Variants in ZMIZ2 observed in about 807,000 individuals in gnomAD.
ZMIZ2 encodes the protein zinc finger MIZ domain-containing protein 2.
Under a neutral mutation model 93.9 loss-of-function variants are expected in ZMIZ2, and 26 were observed. The ratio of observed to expected loss-of-function variants is 0.28; its 90% CI spans 0.20 to 0.38. The LOEUF (loss-of-function observed/expected upper bound fraction) is 0.38. Ranked by LOEUF, ZMIZ2 falls within the 10% of genes least tolerant of loss-of-function variation. ZMIZ2 has a pLI of 1.00. For synonymous variants in ZMIZ2, 485 were observed against 516.4 expected, an observed-to-expected ratio of 0.94 and a Z score of 0.82; for missense variants, 1,023 against 1,235.0, an observed-to-expected ratio of 0.83 and a Z score of 2.57.
intron 14 of ZMIZ2, 43 bp downstream of exon 14, chr7:44,764,529 T>C: frequency 6.2e-7 from 1 of 1,601,326 alleles, no homozygotes; most frequent in Non-Finnish European, 8.5e-7. Flanking sequence ...GGGCTGGTGC[T>C]TTTAGAGGCT....
chr7:44,763,290 C>T lies in ZMIZ2; in HGVS notation c.1737C>T (p.Gly579=). ...ACTTCAGCAGCGGCACCATCCCTGG[C>T]ACCCCTGGGCCCAACGGAGAGGACG... ...KRNFSSGTIP[G]TPGPNGEDGV... is the part of the protein sequence containing the mutation. Residue 579 remains glycine, a synonymous_variant, in exon 13 of 19, where the codon GGC becomes GGT. Coordinates refer to ENST00000309315, the MANE Select transcript of ZMIZ2 (RefSeq NM_031449.4). This position sits in a 1 kb window ranked among gnomAD's most constrained non-coding sequence, Gnocchi z 5.6. 6.2e-7 allele frequency: 1 copy of T among 1,614,088 alleles called. No individual in the cohort carries two copies. Among genetic ancestry groups the T allele is most frequent in the Non-Finnish European group, 8.5e-7 (1 of 1,180,006 alleles).
chr7:44,756,316 C>T lies in ZMIZ2; in HGVS notation c.50+17C>T. ...GCCACACGGGTGAGTGTGGGCTCCT[C>T]TGCCCACCCCTCAGGCCCTGGGGTT... On this transcript the variant is annotated intron_variant, in intron 2 of 18. Coordinates refer to ENST00000309315, the MANE Select transcript of ZMIZ2 (RefSeq NM_031449.4). 6.2e-7 allele frequency: 1 copy of T among 1,613,996 alleles called. No individual in the cohort carries two copies. The highest frequency in any genetic ancestry group is 1.7e-5 in the Admixed American group (1 of 60,024).
rs529251103 is a variant in ZMIZ2 at position 44,766,026 on chromosome 7, C to T, written c.2243-138C>T. The T allele has an allele frequency of 1.7e-5, 25 of 1,435,404 alleles. 1 individual carries two copies. The South Asian group carries it at 2.0e-4, about 12-fold the overall frequency. The allele number at this position is 1,435,404 out of a possible 1,614,324, so 88.9% of individuals were successfully genotyped here. A position where few individuals can be genotyped will look rare whatever the true frequency, so the allele number is the denominator to read the frequency against. ...AGAAGAAATGCCCTTTTCCAAATAG[C>T]GACTTCTGCAAAACCCGCTGTTGTT... is the stretch of plus-strand genomic sequence containing the variant. On this transcript the variant is annotated intron_variant, in intron 16 of 18. Coordinates refer to ENST00000309315, the MANE Select transcript of ZMIZ2 (RefSeq NM_031449.4). This position sits in a 1 kb window ranked among gnomAD's most constrained non-coding sequence, Gnocchi z 4.4.
In ZMIZ2 at chr7:44,766,738, C is replaced by T; in HGVS notation, c.2655+75C>T. The stretch of plus-strand genomic sequence containing the variant: ...GTGGTGTGTCTGTTCCAGGTGCGTT[C>T]TGGAAGGGAAGACAGTGACCCCTCA... On this transcript the variant is annotated intron_variant, in intron 18 of 18. Coordinates refer to ENST00000309315, the MANE Select transcript of ZMIZ2 (RefSeq NM_031449.4). This position sits in a 1 kb window ranked among gnomAD's most constrained non-coding sequence, Gnocchi z 4.4. 2 of 1,577,974 alleles carry T rather than the reference C, an allele frequency of 1.3e-6. No individual in the cohort carries two copies. The highest frequency in any genetic ancestry group is 2.1e-4 in the Middle Eastern group (1 of 4,786).
chr7:44,764,523 T>G, intron 14 of ZMIZ2, 37 bp downstream of exon 14: 1 of 1,609,820 alleles, frequency 6.2e-7, no homozygotes, highest in Non-Finnish European at 8.5e-7. Flanking sequence ...GAGGAGGGGC[T>G]GGTGCTTTTA....
intron 3 of ZMIZ2, 76 bp from the exon 4 acceptor site, chr7:44,756,870 GT>G: frequency 6.3e-7 from 1 of 1,578,238 alleles, no homozygotes; most frequent in Non-Finnish European, 8.6e-7. Flanking sequence ...AGGCCTGTTG[GT>G]TTCTAGCACT....
At position 44,765,821 on chromosome 7, in the gene ZMIZ2, C is replaced by T. The variant is rs1399304152; in HGVS notation, c.2242+242C>T. ...GACAGTGGGGCCTCCACCCTTCCTTCCCCGTTTGGATTAAGGGGCTCCTGG... is the reference window on the plus strand; with the variant it reads ...GACAGTGGGGCCTCCACCCTTCCTTTCCCGTTTGGATTAAGGGGCTCCTGG... On this transcript the variant is annotated intron_variant, in intron 16 of 18. Coordinates refer to ENST00000309315, the MANE Select transcript of ZMIZ2 (RefSeq NM_031449.4). The surrounding 1 kb of genome is among the most constrained non-coding windows in gnomAD (Gnocchi z 4.1). 1.9e-6 allele frequency: 2 copies of T among 1,060,502 alleles called. No homozygotes were observed. Among genetic ancestry groups the T allele is most frequent in the Non-Finnish European group, 1.3e-6 (1 of 762,632 alleles). 65.7% of individuals were successfully genotyped at this position (1,060,502 alleles called of 1,614,324 possible). A position where few individuals can be genotyped will look rare whatever the true frequency, so the allele number is the denominator to read the frequency against.
chr7:44,767,727 C>A lies in ZMIZ2; in HGVS notation c.*104C>A. 9.5e-7 allele frequency: 1 copy of A among 1,048,466 alleles called. No homozygotes were observed. The highest frequency in any genetic ancestry group is 1.4e-6 in the Non-Finnish European group (1 of 696,052). The allele number at this position is 1,048,466 out of a possible 1,614,324, so 64.9% of individuals were successfully genotyped here. A position where few individuals can be genotyped will look rare whatever the true frequency, so the allele number is the denominator to read the frequency against. ...GGACACCCGGTGGTCTTTCCCAAACCTCCCCCAAAACACACCTGGAGCCAG... is the reference window on the plus strand; with the variant it reads ...GGACACCCGGTGGTCTTTCCCAAACATCCCCCAAAACACACCTGGAGCCAG... On this transcript the variant is annotated 3_prime_UTR_variant, in exon 19 of 19. Transcript: ENST00000309315.
chr7:44,759,084 TAA>T (rs71563954), intron 6 of ZMIZ2, among the ~76,000 whole-genome samples, 195 bp from the exon 7 acceptor site: 3 of 97,496 alleles, frequency 3.1e-5, no homozygotes, highest in African/African-American at 8.4e-5. Context: ...TGTCTCAAAT[TAA>T]AAAAAAAAAA....
intron 3 of ZMIZ2, 49 bp downstream of exon 3, chr7:44,756,588 A>G: frequency 6.3e-7 from 1 of 1,591,728 alleles, no homozygotes; most frequent in Non-Finnish European, 8.6e-7. Flanking sequence ...GCCTCCCAGC[A>G]CTTGGCAGTG....
At chr7:44,749,410 C>A (rs1222222258) in intron 1 of ZMIZ2, among the ~76,000 whole-genome samples, 1 of 152,212 alleles carries the variant, frequency 6.6e-6, no homozygotes, top group African/African-American at 2.4e-5. Flanking sequence ...ACATGGTACG[C>A]CCCTCCGCTC....
Position 44,761,517 on chromosome 7 carries a change from C to T in ZMIZ2, c.1309C>T (p.Arg437Cys), listed in dbSNP as rs968194481. ...CGATGGGGTGGTCCTGGAGCCCTTC[C>T]GCCTGCAGCACAACCTGGCTGTAAG... The part of the protein sequence containing the change: ...VRDGVVLEPF[R>C]LQHNLAVSNH... The change falls in exon 10 of 19, where the codon CGC becomes TGC. Residue 437 changes from arginine to cysteine, a missense_variant. By Grantham distance (180) the Arg-to-Cys change is radical. This residue lies in a region of ZMIZ2 where 656 missense variants were observed against 777.1 expected (regional missense o/e 0.84). Transcript: ENST00000309315. This position sits in a 1 kb window ranked among gnomAD's most constrained non-coding sequence, Gnocchi z 5.8. 1.5e-5 allele frequency: 24 copies of T among 1,614,010 alleles called. No homozygotes were observed. The highest frequency in any genetic ancestry group is 5.5e-5 in the South Asian group (5 of 91,092).
chr7:44,767,372 C>G, intron 18 of ZMIZ2, 144 bp from the exon 19 acceptor site: 1 of 737,180 alleles, frequency 1.4e-6, no homozygotes, highest in Non-Finnish European at 2.3e-6. Flanking sequence ...ATGGTGGGGC[C>G]CCGCACCCGG....
chr7:44,756,850 C>A (rs527757840), intron 3 of ZMIZ2, 97 bp from the exon 4 acceptor site: 1 of 1,477,736 alleles, frequency 6.8e-7, no homozygotes, highest in Non-Finnish European at 9.3e-7. Flanking sequence ...TCTCCCCCAA[C>A]CCACTTGCCA....
At chr7:44,759,179 C>G in intron 6 of ZMIZ2, 102 bp from the exon 7 acceptor site, 3 of 1,103,972 alleles carry the variant, frequency 2.7e-6, no homozygotes, top group Non-Finnish European at 3.6e-6. Flanking sequence ...ACCAGGAAAT[C>G]TCCATTCCCC....
At chr7:44,764,637 C>T (rs979905968) in intron 14 of ZMIZ2, 151 bp downstream of exon 14, 2 of 886,056 alleles carry the variant, frequency 2.3e-6, no homozygotes, top group African/African-American at 1.7e-5. Flanking sequence ...GCAGAGAGCT[C>T]GTATAGGGTG....
At chr7:44,760,632 C>A in intron 9 of ZMIZ2, 39 bp downstream of exon 9, 1 of 1,607,938 alleles carries the variant, frequency 6.2e-7, no homozygotes, top group Non-Finnish European at 8.5e-7. Context: ...GGTGACAAGG[C>A]CAGGGTGGGC....
intron 6 of ZMIZ2, among the ~76,000 whole-genome samples, chr7:44,758,683 C>T (rs1265394742): frequency 4.0e-5 from 6 of 151,630 alleles, no homozygotes; most frequent in East Asian, 2.0e-4. Flanking sequence ...GAGGCCAAGG[C>T]GGGTGGATCA....
Position 44,759,478 on chromosome 7 carries a change from A to G in ZMIZ2, c.993+18A>G, listed in dbSNP as rs771394542. On this transcript the variant is annotated intron_variant, in intron 7 of 18. Coordinates refer to ENST00000309315, the MANE Select transcript of ZMIZ2 (RefSeq NM_031449.4). Reference sequence around the variant, plus strand: ...ATTATAAGGTAGGGCAGGCTCCTCCAGGCCCTGTGCCGGGCTCCGTGCTGA... The same window carrying G: ...ATTATAAGGTAGGGCAGGCTCCTCCGGGCCCTGTGCCGGGCTCCGTGCTGA... 5.5e-6 allele frequency: 8 copies of G among 1,464,130 alleles called. No homozygotes were observed. Among genetic ancestry groups the G allele is most frequent in the Non-Finnish European group, 6.3e-6 (7 of 1,104,414 alleles). 90.7% of individuals were successfully genotyped at this position (1,464,130 alleles called of 1,614,324 possible). A position where few individuals can be genotyped will look rare whatever the true frequency, so the allele number is the denominator to read the frequency against.
Sources: allele counts gnomAD v4.1 joint callset (sites outside exome capture counted in the v4.1 genomes callset), GRCh38; gene constraint gnomAD v4.1.1; regional missense constraint gnomAD v4.1.1; non-coding constraint Gnocchi (gnomAD v3.1); transcripts MANE v1.5; gene names NCBI Gene and HGNC (gene_info 2026-07-23, HGNC 2026-07-21).